Variants in ADAMTSL1 observed in about 807,000 individuals in gnomAD.
ADAMTSL1 encodes the protein ADAMTS-like protein 1.
A neutral mutation model predicts 201.8 loss-of-function variants in ADAMTSL1; 126 were observed. The ratio of observed to expected loss-of-function variants is 0.62; its 90% CI spans 0.54 to 0.72. ADAMTSL1 has a LOEUF of 0.72. Ranked by LOEUF, ADAMTSL1 falls within the 30% of genes least tolerant of loss-of-function variation. ADAMTSL1 has a pLI of 0.00. For synonymous variants in ADAMTSL1, 1,121 were observed against 903.4 expected, an observed-to-expected ratio of 1.24 and a Z score of -4.32; for missense variants, 2,679 against 2,277.8, an observed-to-expected ratio of 1.18 and a Z score of -3.59.
chr9:18,707,359 C>T (rs1456416466), intron 14 of ADAMTSL1, among the ~76,000 whole-genome samples: 1 of 152,202 alleles, frequency 6.6e-6, no homozygotes, highest in African/African-American at 2.4e-5. Flanking sequence ...CTGACCTGGC[C>T]GTGCTCTCAA....
chr9:18,313,692 T>G (rs1009088118), intron 2 of ADAMTSL1, among the ~76,000 whole-genome samples: 29 of 152,302 alleles, frequency 1.9e-4, no homozygotes, highest in African/African-American at 6.5e-4. Flanking sequence ...GTCCTGAAAC[T>G]GTAAAACTCC....
At chr9:18,211,724 T>C (rs1411984005) in intron 2 of ADAMTSL1, among the ~76,000 whole-genome samples, 1 of 152,218 alleles carries the variant, frequency 6.6e-6, no homozygotes, top group Non-Finnish European at 1.5e-5. Context: ...CATCTGAAGC[T>C]AAAGATACCT....
At chr9:18,313,614 G>T (rs1834238316) in intron 2 of ADAMTSL1, among the ~76,000 whole-genome samples, 1 of 152,050 alleles carries the variant, frequency 6.6e-6, no homozygotes, top group Non-Finnish European at 1.5e-5. Flanking sequence ...ATATCTACAT[G>T]CAAAAGAATA....
intron 1 of ADAMTSL1, among the ~76,000 whole-genome samples, chr9:18,031,574 TA>T (rs1820956278): frequency 6.6e-6 from 1 of 152,224 alleles, no homozygotes; most frequent in Non-Finnish European, 1.5e-5. Context: ...ATACTTCTTT[TA>T]TATCTTGATG....
At chr9:18,302,642 T>A (rs1346913214) in intron 2 of ADAMTSL1, among the ~76,000 whole-genome samples, 1 of 152,200 alleles carries the variant, frequency 6.6e-6, no homozygotes, top group African/African-American at 2.4e-5. Flanking sequence ...ACCCTTTTTC[T>A]TGCTTAGGGC....
chr9:18,706,988 G>C lies in ADAMTSL1; in HGVS notation c.1816G>C (p.Asp606His). The change falls in exon 14 of 29, where the codon GAC becomes CAC. Residue 606 changes from aspartate to histidine, a missense_variant. Transcript: ENST00000380548. ...DGLFGGLQDF[D>H]ELYDWEYEGF... ...GCTCTTTGGTGGCCTGCAGGATTTC[G>C]ACGAGCTGTATGACTGGGAGTATGA... The C allele has an allele frequency of 6.2e-7, 1 of 1,613,932 alleles. No homozygotes were observed. The highest frequency in any genetic ancestry group is 8.5e-7 in the Non-Finnish European group (1 of 1,179,876).
intron 1 of ADAMTSL1, among the ~76,000 whole-genome samples, chr9:18,005,576 A>G (rs1049045734): frequency 1.3e-5 from 2 of 152,040 alleles, no homozygotes; most frequent in Non-Finnish European, 2.9e-5. Context: ...CTTGGTTTTA[A>G]GGAAATAATA....
chr9:18,268,167 T>A (rs1403355750), intron 2 of ADAMTSL1, among the ~76,000 whole-genome samples: 5 of 152,190 alleles, frequency 3.3e-5, no homozygotes, highest in African/African-American at 1.2e-4. Flanking sequence ...ATTTATTAGA[T>A]ACTTTAAGTC....
At chr9:18,904,701 A>C (rs7861285) in intron 26 of ADAMTSL1, among the ~76,000 whole-genome samples, 20,139 of 69,156 alleles carry the variant, frequency 0.29, 5,946 homozygotes, top group African/African-American at 0.45. Context: ...TTACGATTTA[A>C]AAAAAATCCC....
intron 1 of ADAMTSL1, among the ~76,000 whole-genome samples, chr9:17,994,132 TC>T (rs1819278022): frequency 6.8e-6 from 1 of 148,042 alleles, no homozygotes; most frequent in African/African-American, 2.6e-5. Context: ...TTCTATATAG[TC>T]CACAGGGGTG....
intron 2 of ADAMTSL1, among the ~76,000 whole-genome samples, chr9:18,193,684 A>T (rs1829060341): frequency 6.6e-6 from 1 of 152,170 alleles, no homozygotes; most frequent in African/African-American, 2.4e-5. Flanking sequence ...AAGGGAAAGG[A>T]CAGGCCGTCT....
chr9:17,933,834 C>T (rs1826897299), intron 1 of ADAMTSL1, among the ~76,000 whole-genome samples: 1 of 152,144 alleles, frequency 6.6e-6, no homozygotes, highest in African/African-American at 2.4e-5. Flanking sequence ...CACCAGGCCC[C>T]TCTTTGAACA....
intron 1 of ADAMTSL1, among the ~76,000 whole-genome samples, chr9:17,954,383 A>G (rs1455148521): frequency 6.6e-6 from 1 of 152,238 alleles, no homozygotes; most frequent in African/African-American, 2.4e-5. Context: ...TAGAATGGCA[A>G]AGAATTTTCA....
chr9:18,016,378 TC>T (rs2131571611), intron 1 of ADAMTSL1, among the ~76,000 whole-genome samples: 1 of 152,124 alleles, frequency 6.6e-6, no homozygotes, highest in East Asian at 1.9e-4. Flanking sequence ...ATAATTCTTG[TC>T]ATAGTTTCTA....
intron 14 of ADAMTSL1, 42 bp downstream of exon 14, chr9:18,707,090 GCTCATTTTCTCT>G: frequency 6.3e-7 from 1 of 1,582,896 alleles, no homozygotes; most frequent in Non-Finnish European, 8.6e-7. Flanking sequence ...CCATCTTCTT[GCTCATTTTCTCT>G]CTCTGCATGC....
At chr9:18,114,265 C>CCA (rs1825154605) in intron 1 of ADAMTSL1, among the ~76,000 whole-genome samples, 1 of 152,148 alleles carries the variant, frequency 6.6e-6, no homozygotes, top group Non-Finnish European at 1.5e-5. Flanking sequence ...TCAACTCAAA[C>CCA]ACTCTCCCAG....
At chr9:18,051,294 C>G (rs556378176) in intron 1 of ADAMTSL1, among the ~76,000 whole-genome samples, 1 of 151,814 alleles carries the variant, frequency 6.6e-6, no homozygotes, top group African/African-American at 2.4e-5. Context: ...GAGCAAGACT[C>G]CATCTCAAAA....
At chr9:18,727,203 C>G (rs969919242) in intron 15 of ADAMTSL1, among the ~76,000 whole-genome samples, 1 of 152,224 alleles carries the variant, frequency 6.6e-6, no homozygotes, top group Non-Finnish European at 1.5e-5. Flanking sequence ...ATGGAGCTTT[C>G]AAAGCCTTGC....
At chr9:18,459,113 A>C (rs1042162024) in intron 2 of ADAMTSL1, among the ~76,000 whole-genome samples, 13 of 152,180 alleles carry the variant, frequency 8.5e-5, no homozygotes, top group Non-Finnish European at 1.8e-4. Context: ...CCTATACTCA[A>C]AATCCACATT....
Sources: gnomAD v4.1 joint callset for allele counts (sites outside exome capture counted in the v4.1 genomes callset) on GRCh38, gnomAD v4.1.1 for gene constraint, MANE v1.5 for transcripts, NCBI Gene and HGNC (gene_info 2026-07-23, HGNC 2026-07-21) for gene names.